Variants in C7 observed in about 807,000 individuals in gnomAD.
C7 encodes complement component C7.
C7 carries 83 observed loss-of-function variants against 104.8 expected under a neutral mutation model. That is an observed-to-expected ratio of 0.79 (90% confidence interval 0.66 to 0.95). The LOEUF (loss-of-function observed/expected upper bound fraction) is 0.95. Ranked by LOEUF, C7 falls within the 40% of genes least tolerant of loss-of-function variation. The pLI, the probability that C7 is intolerant of heterozygous loss-of-function variation, is 0.00. For missense variants in C7, 1,070 were observed against 1,011.2 expected, an observed-to-expected ratio of 1.06 and a Z score of -0.79; for synonymous variants, 415 against 360.6, an observed-to-expected ratio of 1.15 and a Z score of -1.71.
chr5:40,947,467 T>C, intron 7 of C7, 135 bp from the exon 8 acceptor site: 1 of 923,118 alleles, frequency 1.1e-6, no homozygotes, highest in Non-Finnish European at 1.7e-6. Flanking sequence ...GTGCTCATCA[T>C]GCGTCAAAAA....
At chr5:40,949,059 C>A (rs1456115413) in intron 8 of C7, among the ~76,000 whole-genome samples, 1 of 151,892 alleles carries the variant, frequency 6.6e-6, no homozygotes, top group Non-Finnish European at 1.5e-5. Flanking sequence ...ATTAATCCAG[C>A]AAGTAGTTTG....
At position 40,947,737 on chromosome 5, in the gene C7, T is replaced by C; in HGVS notation, c.874T>C (p.Tyr292His). Residue 292 changes from tyrosine (Y) to histidine (H), a missense_variant, in exon 8 of 18, where the codon TAC becomes CAC. Physicochemically the swap from Tyr to His is moderately conservative, Grantham distance 83. Coordinates refer to ENST00000313164, the MANE Select transcript of C7 (RefSeq NM_000587.4). The stretch of plus-strand genomic sequence containing the variant: ...CCCCTCTCTGTATGACTACAGTGCC[T>C]ACCGAAGATTAATCGACCAGTACGG... The part of the protein sequence containing the change: ...HLPSLYDYSA[Y>H]RRLIDQYGTH... 6.2e-7 allele frequency: 1 copy of C among 1,613,780 alleles called. No individual in the cohort carries two copies. The highest frequency in any genetic ancestry group is 8.5e-7 in the Non-Finnish European group (1 of 1,179,772).
intron 6 of C7, among the ~76,000 whole-genome samples, chr5:40,942,660 A>C (rs1739964100): frequency 6.6e-6 from 1 of 152,150 alleles, no homozygotes. Context: ...GGAACTGACT[A>C]GAGAAATAAA....
intron 16 of C7, among the ~76,000 whole-genome samples, chr5:40,978,514 A>T (rs1482941184): frequency 6.6e-6 from 1 of 152,166 alleles, no homozygotes; most frequent in Admixed American, 6.5e-5. Flanking sequence ...TGGTATTGTA[A>T]GGTCTTTACC....
At position 40,975,048 on chromosome 5, in the gene C7, C is replaced by CA. The variant is rs538795534; in HGVS notation, c.2075-1698dup. Among the ~76,000 whole-genome samples the CA allele has an allele frequency of 2.2e-3, 330 of 152,208 alleles. 1 individual carries two copies. In the Middle Eastern group the frequency reaches 0.027, roughly 13 times the overall value. Reference sequence around the variant, plus strand: ...TGATTTCCAGATGTCCCCTGGGGGACAAAACTGCCCCTGGTTGAGAAGCAC... The same window carrying CA: ...TGATTTCCAGATGTCCCCTGGGGGACAAAAACTGCCCCTGGTTGAGAAGCAC... On this transcript the variant is annotated intron_variant, in intron 15 of 17. Coordinates refer to ENST00000313164, the MANE Select transcript of C7 (RefSeq NM_000587.4).
intron 8 of C7, among the ~76,000 whole-genome samples, chr5:40,949,393 T>C (rs1289345025): frequency 6.7e-6 from 1 of 150,362 alleles, no homozygotes; most frequent in Non-Finnish European, 1.5e-5. Context: ...CTCCCCTTGA[T>C]AATGAGTAGA....
chr5:40,945,106 T>G, intron 6 of C7, 92 bp from the exon 7 acceptor site: 1 of 697,572 alleles, frequency 1.4e-6, no homozygotes. Context: ...ATGAAGAGCT[T>G]TTCTCTTTGG....
chr5:40,968,415 C>A (rs575684778), intron 14 of C7, among the ~76,000 whole-genome samples: 1 of 151,530 alleles, frequency 6.6e-6, no homozygotes, highest in South Asian at 2.1e-4. Flanking sequence ...CATGAGCCAC[C>A]GCACCTGGCC....
At position 40,976,403 on chromosome 5, in the gene C7, G is replaced by T. The variant is rs1472663173; in HGVS notation, c.2075-347G>T. Among the ~76,000 whole-genome samples the T allele has an allele frequency of 2.0e-5, 3 of 152,328 alleles. No homozygotes were observed. In the East Asian group the frequency reaches 5.8e-4, roughly 29 times the overall value. On this transcript the variant is annotated intron_variant, in intron 15 of 17. Coordinates refer to ENST00000313164, the MANE Select transcript of C7 (RefSeq NM_000587.4). Reference sequence around the variant, plus strand: ...GCCTGGGCCAGTTTGTTAAATGTGTGAAGTAGCACCAACTTCCTAACTCTT... The same window carrying T: ...GCCTGGGCCAGTTTGTTAAATGTGTTAAGTAGCACCAACTTCCTAACTCTT...
intron 14 of C7, among the ~76,000 whole-genome samples, chr5:40,968,220 G>C (rs1740600874): frequency 6.6e-6 from 1 of 151,848 alleles, no homozygotes; most frequent in African/African-American, 2.4e-5. Flanking sequence ...CCGCTTCCCA[G>C]GTTCAAACAA....
intron 14 of C7, chr5:40,972,100 G>C (rs749518308): frequency 2.0e-6 from 1 of 509,364 alleles, no homozygotes. Context: ...TGAAAAGTTT[G>C]GTTTCAACAG....
intron 4 of C7, 131 bp downstream of exon 4, chr5:40,934,597 C>A: frequency 1.1e-6 from 1 of 905,022 alleles, no homozygotes. Context: ...CAAATATCAT[C>A]AGGATTTTTG....
At chr5:40,973,107 A>G (rs1450661) in intron 15 of C7, among the ~76,000 whole-genome samples, 120,395 of 152,142 alleles carry the variant, frequency 0.79, 47,780 homozygotes, top group South Asian at 0.93. Flanking sequence ...GTTGTGATTC[A>G]TGAAATTGTT....
chr5:40,974,408 G>A (rs6871948), intron 15 of C7, among the ~76,000 whole-genome samples: 36,139 of 142,758 alleles, frequency 0.25, 4,575 homozygotes, highest in South Asian at 0.4. Context: ...TTTCCACAAA[G>A]ACATTATAAT....
chr5:40,972,146 T>G, intron 14 of C7: 1 of 539,312 alleles, frequency 1.9e-6, no homozygotes, highest in Non-Finnish European at 3.4e-6. Flanking sequence ...GGGTTGTTCA[T>G]TTTAAGTTGT....
chr5:40,942,741 C>T (rs116358633), intron 6 of C7, among the ~76,000 whole-genome samples: 1,600 of 150,992 alleles, frequency 0.011, 30 homozygotes, highest in African/African-American at 0.037. Context: ...GGCACCAATC[C>T]GTACAGTTGT....
At chr5:40,946,254 C>T (rs1438457744) in intron 7 of C7, among the ~76,000 whole-genome samples, 1 of 152,014 alleles carries the variant, frequency 6.6e-6, no homozygotes, top group African/African-American at 2.4e-5. Flanking sequence ...TAAAACCTTC[C>T]TCTTGAGAAA....
At chr5:40,967,927 A>C (rs1355029625) in intron 14 of C7, among the ~76,000 whole-genome samples, 1 of 152,008 alleles carries the variant, frequency 6.6e-6, no homozygotes, top group African/African-American at 2.4e-5. Context: ...CTGGGCTTTT[A>C]TTGAACCTGT....
intron 7 of C7, 79 bp from the exon 8 acceptor site, chr5:40,947,523 A>G: frequency 5.5e-6 from 8 of 1,458,132 alleles, no homozygotes; most frequent in Non-Finnish European, 7.6e-6. Context: ...GAGCTGATGA[A>G]GGTATTGAAC....
Sources: allele counts gnomAD v4.1 joint callset (sites outside exome capture counted in the v4.1 genomes callset), GRCh38; gene constraint gnomAD v4.1.1; transcripts MANE v1.5; gene names NCBI Gene and HGNC (gene_info 2026-07-23, HGNC 2026-07-21).